The following TUBGCP5 variants were observed in gnomAD, a reference collection of about 807,000 sequenced individuals.
TUBGCP5 encodes tubulin gamma complex component 5.
In TUBGCP5, 98 loss-of-function variants were observed where a neutral mutation model predicts 134.7. That is an observed-to-expected ratio of 0.73 (90% CI 0.62 to 0.86). The LOEUF is 0.86. Among genes scored for constraint, TUBGCP5 ranks in the 40% least tolerant of loss-of-function variants. TUBGCP5 has a pLI of 0.00. For missense variants in TUBGCP5, 1,150 were observed against 1,244.8 expected (o/e 0.92, Z 1.15); for synonymous variants, 456 against 431.4 (o/e 1.06, Z -0.71).
downstream of TUBGCP5, among the ~76,000 whole-genome samples, chr15:22,998,259 G>A (rs528320354): frequency 2.0e-5 from 3 of 152,238 alleles, no homozygotes; most frequent in African/African-American, 7.2e-5. Context: ...AGGTTGTAGT[G>A]AGCCGAGATC....
chr15:23,035,495 A>G (rs1013688388), intron 3 of TUBGCP5, among the ~76,000 whole-genome samples: 1 of 152,018 alleles, frequency 6.6e-6, no homozygotes, highest in Non-Finnish European at 1.5e-5. Context: ...ATTAGGCATT[A>G]GATTGTCATA....
intron 22 of TUBGCP5, chr15:23,000,273 C>G: frequency 8.0e-7 from 1 of 1,256,240 alleles, no homozygotes; most frequent in Non-Finnish European, 1.0e-6. Flanking sequence ...GTTACAAAAA[C>G]TACACGATAG....
chr15:23,032,586 C>T, intron 4 of TUBGCP5, 142 bp downstream of exon 4: 1 of 517,806 alleles, frequency 1.9e-6, no homozygotes. Context: ...TAAAATTTTA[C>T]AATTGTGATA....
intron 1 of TUBGCP5, 134 bp downstream of exon 1, chr15:23,039,264 G>A (rs2066777530): frequency 8.5e-6 from 9 of 1,057,380 alleles, no homozygotes; most frequent in Non-Finnish European, 1.1e-5. Context: ...GGCAGGGCCT[G>A]CGAAGGCTCC....
In TUBGCP5 at chr15:23,026,210, G is replaced by A. The variant is rs1430456130; in HGVS notation, c.738-5C>T. 5.6e-6 allele frequency: 9 copies of A among 1,611,426 alleles called. No individual in the cohort carries two copies. The East Asian group carries it at 1.6e-4, about 28-fold the overall frequency. ...CTGCTGTACAAGTGTTGGTCCCTAT[G>A]AGACAGCAAACATAAATGTCAATAG... On this transcript the variant is annotated splice_region_variant and splice_polypyrimidine_tract_variant and intron_variant, in intron 7 of 22. Coordinates refer to ENST00000615383, the MANE Select transcript of TUBGCP5 (RefSeq NM_052903.6).
chr15:23,011,002 G>GA, intron 14 of TUBGCP5, 131 bp downstream of exon 14: 1 of 860,182 alleles, frequency 1.2e-6, no homozygotes, highest in Non-Finnish European at 1.8e-6. Context: ...AAAAAAAAAG[G>GA]AAAAAGAAAA....
intron 23 of TUBGCP5, among the ~76,000 whole-genome samples, chr15:22,987,877 C>T (rs2063725571): frequency 8.6e-6 from 1 of 115,612 alleles, no homozygotes; most frequent in East Asian, 2.6e-4. Context: ...GCCTGGGTGA[C>T]AGAGCGAGAC....
chr15:22,988,583 A>T (rs918264142), intron 23 of TUBGCP5, among the ~76,000 whole-genome samples: 1 of 151,262 alleles, frequency 6.6e-6, no homozygotes, highest in Non-Finnish European at 1.5e-5. Flanking sequence ...AAATACAAAA[A>T]AAATTAGCCG....
At chr15:23,029,490 C>T (rs138171392) in intron 6 of TUBGCP5, among the ~76,000 whole-genome samples, 2,804 of 152,130 alleles carry the variant, frequency 0.018, 37 homozygotes, top group Non-Finnish European at 0.029. Flanking sequence ...CAAAGTGCTG[C>T]GATTACAGGC....
chr15:22,997,950 A>G (rs2064172319), downstream of TUBGCP5, among the ~76,000 whole-genome samples: 1 of 152,112 alleles, frequency 6.6e-6, no homozygotes, highest in Non-Finnish European at 1.5e-5. Context: ...ACTCTATAAA[A>G]AGAAAATATG....
downstream of TUBGCP5, among the ~76,000 whole-genome samples, chr15:22,995,801 T>C (rs1002125232): frequency 1.3e-5 from 2 of 152,084 alleles, no homozygotes; most frequent in African/African-American, 2.4e-5. Context: ...TAACATGTCA[T>C]GGCCAGAGGC....
Position 23,019,250 on chromosome 15 carries a change from A to G in TUBGCP5, c.1456T>C (p.Trp486Arg). 1.9e-6 allele frequency: 3 copies of G among 1,613,908 alleles called. No homozygotes were observed. The highest frequency in any genetic ancestry group is 2.5e-6 in the Non-Finnish European group (3 of 1,179,910). Residue 486 changes from tryptophan (W) to arginine (R), a missense_variant, in exon 12 of 23, where the codon TGG (tryptophan) becomes CGG (arginine). Coordinates refer to ENST00000615383, the MANE Select transcript of TUBGCP5 (RefSeq NM_052903.6). ...ATGATGAACTCCCTGGCGCCATCCCACAGGTGCCCGTGCACGATCCACTCG... is the reference window on the plus strand; with the variant it reads ...ATGATGAACTCCCTGGCGCCATCCCGCAGGTGCCCGTGCACGATCCACTCG... ...VDEWIVHGHLWDGAREFIIQR... is the reference protein window; with the variant it reads ...VDEWIVHGHLRDGAREFIIQR...
At chr15:22,995,972 C>A (rs13379504), downstream of TUBGCP5, among the ~76,000 whole-genome samples, 11 of 152,106 alleles carry the variant, frequency 7.2e-5, no homozygotes, top group African/African-American at 2.4e-4. Flanking sequence ...GTTTTCACAG[C>A]TGAACTGCAT....
At chr15:23,016,969 G>GATATGTGTATATATATATATATATATAT (rs1555439436) in intron 13 of TUBGCP5, among the ~76,000 whole-genome samples, 12 of 109,436 alleles carry the variant, frequency 1.1e-4, no homozygotes, top group African/African-American at 4.3e-4. Context: ...AAAATTGTGA[G>GATATGTGTATATATATATATATATATAT]ATATATATAT....
downstream of TUBGCP5, chr15:22,996,774 C>T (rs1489505113): frequency 1.3e-5 from 2 of 152,316 alleles, no homozygotes; most frequent in Admixed American, 6.6e-5. Context: ...AGGCATGAGC[C>T]ACTGCACCTG....
At position 23,024,172 on chromosome 15, in the gene TUBGCP5, C is replaced by T; in HGVS notation, c.943G>A (p.Glu315Lys). The change falls in exon 10 of 23, where the codon GAA becomes AAA. Residue 315 changes from glutamate to lysine, a missense_variant. Glu to Lys is a moderately conservative substitution (Grantham distance 56). Coordinates refer to ENST00000615383, the MANE Select transcript of TUBGCP5 (RefSeq NM_052903.6). ...ACCTGGCCATATGCTGCTATTTGTTCCAGCACAGATCGTAAACAGCTCTAC... is the reference window on the plus strand; with the variant it reads ...ACCTGGCCATATGCTGCTATTTGTTTCAGCACAGATCGTAAACAGCTCTAC... ...LTHSCLRSVL[E>K]QIAAYGQVVF... The T allele has an allele frequency of 2.5e-6, 4 of 1,614,028 alleles. No individual in the cohort carries two copies. The highest frequency in any genetic ancestry group is 3.4e-6 in the Non-Finnish European group (4 of 1,179,956).
chr15:23,037,069 C>A, intron 2 of TUBGCP5, 30 bp downstream of exon 2: 1 of 1,605,818 alleles, frequency 6.2e-7, no homozygotes, highest in Non-Finnish European at 8.5e-7. Flanking sequence ...ACATATATTT[C>A]TGGATGCGTA....
In TUBGCP5 at chr15:23,026,068, C is replaced by T. The variant is rs1294784969; in HGVS notation, c.827+48G>A. The T allele has an allele frequency of 3.4e-6, 5 of 1,485,256 alleles. No individual in the cohort carries two copies. In the African/African-American group the frequency reaches 4.3e-5, roughly 13 times the overall value. The allele number at this position is 1,485,256 out of a possible 1,614,324, so 92.0% of individuals were successfully genotyped here. A position where few individuals can be genotyped will look rare whatever the true frequency, so the allele number is the denominator to read the frequency against. The stretch of plus-strand genomic sequence containing the variant: ...TCCTTTAATAAAAGTTTTTGCTTCT[C>T]AGTAATCAAGTCTCATAAAGACTAT... On this transcript the variant is annotated intron_variant, in intron 8 of 22. Coordinates refer to ENST00000615383, the MANE Select transcript of TUBGCP5 (RefSeq NM_052903.6).
downstream of TUBGCP5, among the ~76,000 whole-genome samples, chr15:22,998,457 T>C (rs2064195858): frequency 6.6e-6 from 1 of 152,144 alleles, no homozygotes; most frequent in African/African-American, 2.4e-5. Flanking sequence ...ATACATTTCT[T>C]TCTTTCTTTT....
Sources: gnomAD v4.1 joint callset for allele counts (sites outside exome capture counted in the v4.1 genomes callset) on GRCh38, gnomAD v4.1.1 for gene constraint, MANE v1.5 for transcripts, NCBI Gene and HGNC (gene_info 2026-07-23, HGNC 2026-07-21) for gene names.